The following PUS10 variants were observed in gnomAD, a reference collection of about 807,000 sequenced individuals.
PUS10 encodes the protein tRNA pseudouridine synthase Pus10.
PUS10 carries 59 observed loss-of-function variants against 75.0 expected under a neutral mutation model. That is an observed-to-expected ratio of 0.79 (90% confidence interval 0.64 to 0.98). The LOEUF (loss-of-function observed/expected upper bound fraction) is 0.98, where lower values mean the gene tolerates loss of function less well. Among genes scored for constraint, PUS10 ranks in the 50% least tolerant of loss-of-function variants. The pLI, the probability that PUS10 is intolerant of heterozygous loss-of-function variation, is 0.00. For missense variants in PUS10, 650 were observed against 614.4 expected (o/e 1.06, Z -0.61); for synonymous variants, 219 against 211.6 (o/e 1.03, Z -0.30).
chr2:60,951,308 GA>G (rs1675324684), intron 15 of PUS10, among the ~76,000 whole-genome samples: 1 of 152,186 alleles, frequency 6.6e-6, no homozygotes, highest in African/African-American at 2.4e-5. Context: ...TCCATGAACT[GA>G]GGAAGGAGGG....
At position 60,942,070 on chromosome 2, in the gene PUS10, T is replaced by C. The variant is rs1198697122; in HGVS notation, c.*325A>G. 1 of 236,192 alleles carries C rather than the reference T, an allele frequency of 4.2e-6. No individual in the cohort carries two copies. The highest frequency in any genetic ancestry group is 8.2e-6 in the Non-Finnish European group (1 of 121,582). 14.6% of individuals were successfully genotyped at this position (236,192 alleles called of 1,614,324 possible). A position where few individuals can be genotyped will look rare whatever the true frequency, so the allele number is the denominator to read the frequency against. On this transcript the variant is annotated 3_prime_UTR_variant, in exon 18 of 18. Transcript: ENST00000316752. ...AAATCTTGCTGAAATTACAGCTTCTTAGGTTAACAGAGAATGTGTCCTGTT... is the reference window on the plus strand; with the variant it reads ...AAATCTTGCTGAAATTACAGCTTCTCAGGTTAACAGAGAATGTGTCCTGTT...
At chr2:61,005,047 G>T (rs1321249794) in intron 4 of PUS10, among the ~76,000 whole-genome samples, 6 of 152,174 alleles carry the variant, frequency 3.9e-5, no homozygotes, top group Admixed American at 3.9e-4. Context: ...CTGAGGTCGG[G>T]TGTCGGAGAC....
At chr2:60,965,738 T>G in intron 6 of PUS10, 1 of 282,740 alleles carries the variant, frequency 3.5e-6, no homozygotes. Flanking sequence ...TGTGTATACT[T>G]TTTGGACAAA....
intron 4 of PUS10, among the ~76,000 whole-genome samples, chr2:61,004,264 T>G (rs1249020322): frequency 6.6e-6 from 1 of 152,134 alleles, no homozygotes; most frequent in East Asian, 1.9e-4. Context: ...AAAAAGCAAT[T>G]TCTATCCAAC....
intron 4 of PUS10, among the ~76,000 whole-genome samples, chr2:60,992,496 G>A (rs569893823): frequency 6.6e-5 from 10 of 152,138 alleles, no homozygotes; most frequent in Admixed American, 5.2e-4. Flanking sequence ...ACCAACTCAC[G>A]ATTTCTAATA....
chr2:60,970,902 G>T (rs887332448), intron 5 of PUS10, among the ~76,000 whole-genome samples: 4 of 152,138 alleles, frequency 2.6e-5, no homozygotes. Flanking sequence ...TTTTTAGGCT[G>T]CATGCTGTGG....
intron 4 of PUS10, among the ~76,000 whole-genome samples, chr2:60,982,566 T>C (rs930481622): frequency 1.3e-5 from 2 of 151,978 alleles, no homozygotes; most frequent in African/African-American, 2.4e-5. Flanking sequence ...CCTGGCCAGA[T>C]AGAACAATAA....
intron 4 of PUS10, among the ~76,000 whole-genome samples, chr2:60,983,365 G>T (rs1252509233): frequency 6.6e-6 from 1 of 151,980 alleles, no homozygotes; most frequent in Non-Finnish European, 1.5e-5. Flanking sequence ...ACTATACTTG[G>T]AATAGAAGCA....
At chr2:60,957,672 T>C (rs1675765878) in intron 11 of PUS10, among the ~76,000 whole-genome samples, 1 of 152,250 alleles carries the variant, frequency 6.6e-6, no homozygotes, top group African/African-American at 2.4e-5. Context: ...CTGGTAGACA[T>C]AAGTAGCATA....
intron 14 of PUS10, among the ~76,000 whole-genome samples, chr2:60,953,647 A>G (rs1028600202): frequency 1.3e-5 from 2 of 152,232 alleles, no homozygotes; most frequent in African/African-American, 2.4e-5. Flanking sequence ...ATATTCATGT[A>G]CAAGTCTTTG....
At chr2:61,010,896 T>C (rs1360031196) in intron 2 of PUS10, 4 of 1,548,990 alleles carry the variant, frequency 2.6e-6, no homozygotes, top group Admixed American at 3.9e-5. Context: ...CATCTGAAAA[T>C]AGAGACAATC....
chr2:60,996,155 T>C (rs717304), intron 4 of PUS10, among the ~76,000 whole-genome samples: 25,637 of 152,246 alleles, frequency 0.17, 2,498 homozygotes, highest in Non-Finnish European at 0.22. Flanking sequence ...CCTTGCTGCA[T>C]GCCACAGTGA....
intron 4 of PUS10, among the ~76,000 whole-genome samples, chr2:60,985,682 G>A (rs546159778): frequency 6.6e-6 from 1 of 152,002 alleles, no homozygotes; most frequent in Non-Finnish European, 1.5e-5. Flanking sequence ...TGTATTTTTA[G>A]TAGAGATGGG....
At chr2:61,005,499 GA>G (rs142369642) in intron 4 of PUS10, among the ~76,000 whole-genome samples, 9,921 of 152,136 alleles carry the variant, frequency 0.065, 1,094 homozygotes, top group African/African-American at 0.23. Context: ...ACCACATTCA[GA>G]AAATATACTT....
intron 4 of PUS10, among the ~76,000 whole-genome samples, chr2:60,973,435 C>G (rs1289325272): frequency 6.6e-6 from 1 of 152,256 alleles, no homozygotes; most frequent in Non-Finnish European, 1.5e-5. Flanking sequence ...AGTGCCTGCA[C>G]CAATCTCGGA....
intron 17 of PUS10, among the ~76,000 whole-genome samples, chr2:60,944,443 C>G (rs1197353717): frequency 1.3e-5 from 2 of 152,160 alleles, no homozygotes; most frequent in African/African-American, 4.8e-5. Context: ...GTACTCTATT[C>G]CTAGTCAGAT....
intron 1 of PUS10, 45 bp downstream of exon 1, chr2:61,017,963 A>T (rs1426495988): frequency 7.5e-6 from 10 of 1,340,466 alleles, no homozygotes; most frequent in Non-Finnish European, 9.2e-6. Context: ...TTTAACCAAT[A>T]CCCAACCTTG....
At chr2:61,011,349 A>G (rs1374807184) in intron 2 of PUS10, among the ~76,000 whole-genome samples, 1 of 152,220 alleles carries the variant, frequency 6.6e-6, no homozygotes, top group Non-Finnish European at 1.5e-5. Flanking sequence ...CTATTTATAA[A>G]CACAACTGGT....
chr2:60,979,103 AC>A (rs1335442371), intron 4 of PUS10, among the ~76,000 whole-genome samples: 1 of 5,136 alleles, frequency 1.9e-4, no homozygotes, highest in Admixed American at 2.5e-3. Flanking sequence ...TCTTCTCCCA[AC>A]ACATACACAT....
Sources: gnomAD v4.1 joint callset for allele counts (sites outside exome capture counted in the v4.1 genomes callset) on GRCh38, gnomAD v4.1.1 for gene constraint, MANE v1.5 for transcripts, NCBI Gene and HGNC (gene_info 2026-07-23, HGNC 2026-07-21) for gene names.